The following C16orf46 variants were observed in gnomAD, a reference collection of about 807,000 sequenced individuals.
C16orf46 encodes uncharacterized protein C16orf46.
In C16orf46, 7 loss-of-function variants were observed where a neutral mutation model predicts 5.5. The ratio of observed to expected loss-of-function variants is 1.28; its 90% CI spans 0.73 to 2.40. C16orf46 has a LOEUF of 2.40. Among genes scored for constraint, C16orf46 ranks in the 30% most tolerant of loss-of-function variants. The pLI is 0.00. For missense variants in C16orf46, 614 were observed against 476.0 expected (o/e 1.29, Z -2.70); for synonymous variants, 200 against 184.1 (o/e 1.09, Z -0.70).
downstream of C16orf46, among the ~76,000 whole-genome samples, chr16:81,057,682 G>GTTGTTA (rs1971340660): frequency 6.6e-6 from 1 of 151,564 alleles, no homozygotes; most frequent in Admixed American, 6.6e-5. Flanking sequence ...TTAGGTTGTT[G>GTTGTTA]TTGTTGTTGT....
chr16:81,059,104 G>C (rs1418778167), downstream of C16orf46, among the ~76,000 whole-genome samples: 1 of 151,764 alleles, frequency 6.6e-6, no homozygotes, highest in Non-Finnish European at 1.5e-5. Flanking sequence ...GCCCAGGCTG[G>C]AGTGCAATGG....
At chr16:81,067,857 T>C (rs1266582935) in intron 1 of C16orf46, among the ~76,000 whole-genome samples, 2 of 152,196 alleles carry the variant, frequency 1.3e-5, no homozygotes, top group Non-Finnish European at 2.9e-5. Context: ...GTTTGTGTAA[T>C]TTTAAGTTGC....
At chr16:81,055,613 A>C (rs1318866221) in intron 3 of C16orf46, among the ~76,000 whole-genome samples, 1 of 152,148 alleles carries the variant, frequency 6.6e-6, no homozygotes, top group Non-Finnish European at 1.5e-5. Context: ...AGGATCGCTT[A>C]AACCCTGCAG....
downstream of C16orf46, among the ~76,000 whole-genome samples, chr16:81,059,940 C>T (rs888735002): frequency 6.6e-6 from 1 of 151,918 alleles, no homozygotes; most frequent in Non-Finnish European, 1.5e-5. Context: ...AGAAGCCCGC[C>T]ACCACGCCCG....
chr16:81,058,456 G>T (rs1475105630), downstream of C16orf46, among the ~76,000 whole-genome samples: 1 of 152,140 alleles, frequency 6.6e-6, no homozygotes, highest in Non-Finnish European at 1.5e-5. Flanking sequence ...GTTTAGACTG[G>T]TACAGTGGAA....
At chr16:81,063,245 G>A (rs1462042690) in intron 3 of C16orf46, among the ~76,000 whole-genome samples, 1 of 127,354 alleles carries the variant, frequency 7.9e-6, no homozygotes, top group African/African-American at 2.9e-5. Context: ...TCCATCTCAG[G>A]GAAAAAAAAA....
intron 1 of C16orf46, among the ~76,000 whole-genome samples, chr16:81,074,637 C>A (rs1434955878): frequency 6.6e-6 from 1 of 152,116 alleles, no homozygotes; most frequent in Non-Finnish European, 1.5e-5. Flanking sequence ...CCCGCCTCAG[C>A]CTCCCAAAGT....
chr16:81,064,429 A>C (rs1971588167), intron 2 of C16orf46, among the ~76,000 whole-genome samples: 1 of 152,010 alleles, frequency 6.6e-6, no homozygotes, highest in Admixed American at 6.6e-5. Flanking sequence ...TTACGCAACT[A>C]TCCACTGCCA....
In C16orf46 at chr16:81,063,840, T is replaced by C. The variant is rs760309096; in HGVS notation, c.116A>G (p.Asn39Ser). The change falls in exon 3 of 4, where the codon AAT becomes AGT. Residue 39 changes from asparagine to serine, a missense_variant. Physicochemically the swap from Asn to Ser is conservative, Grantham distance 46. Transcript: ENST00000299578. ...YTCPDGKSEK[N>S]HVYCLLDVSD... ...GACATCGAGAAGACAATAAACATGA[T>C]TTTTTTCACTTTTTCCATCTGGACA... is the stretch of plus-strand genomic sequence containing the variant. The C allele has an allele frequency of 7.4e-6, 12 of 1,613,804 alleles. No individual in the cohort carries two copies. In the African/African-American group the frequency reaches 1.6e-4, roughly 22 times the overall value.
In C16orf46 at chr16:81,061,725, G is replaced by A; in HGVS notation, c.624C>T (p.Leu208=). ...SIPGPLTSRA[L]LVLPPLKASL... ...AAGCCTTCAGGGGAGGCAGAACTAGGAGGGCCCTGGAAGTCAGGGGGCCTG... is the reference window on the plus strand; with the variant it reads ...AAGCCTTCAGGGGAGGCAGAACTAGAAGGGCCCTGGAAGTCAGGGGGCCTG... The change falls in exon 4 of 4, where the codon CTC becomes CTT. Residue 208 remains leucine (L), a synonymous_variant. Coordinates refer to ENST00000299578, the MANE Select transcript of C16orf46 (RefSeq NM_152337.3). 3 of 1,614,020 alleles carry A rather than the reference G, an allele frequency of 1.9e-6. No homozygotes were observed. The highest frequency in any genetic ancestry group is 2.5e-6 in the Non-Finnish European group (3 of 1,180,050).
rs1005299115 is a variant in C16orf46, at chr16:81,066,231, C to A, written c.-77G>T. Reference sequence around the variant, plus strand: ...GCACCTTCGGAACACTGGTGTACTTCAGGCAGGATCAACACGCTCCGCTAC... The same window carrying A: ...GCACCTTCGGAACACTGGTGTACTTAAGGCAGGATCAACACGCTCCGCTAC... On this transcript the variant is annotated 5_prime_UTR_variant, in exon 2 of 4. Coordinates refer to ENST00000299578, the MANE Select transcript of C16orf46 (RefSeq NM_152337.3). 6.6e-6 allele frequency: 1 copy of A among 151,906 alleles called. No individual in the cohort carries two copies. Among genetic ancestry groups the A allele is most frequent in the African/African-American group, 2.4e-5 (1 of 41,346 alleles). 9.4% of individuals were successfully genotyped at this position (151,906 alleles called of 1,614,324 possible).
chr16:81,062,480 G>C (rs1054437423), intron 3 of C16orf46, among the ~76,000 whole-genome samples: 10 of 152,212 alleles, frequency 6.6e-5, no homozygotes, highest in African/African-American at 2.4e-4. Context: ...CCACTTTGAT[G>C]TGCTGACTAT....
chr16:81,074,850 C>G (rs1971974631), intron 1 of C16orf46, among the ~76,000 whole-genome samples: 1 of 151,958 alleles, frequency 6.6e-6, no homozygotes, highest in African/African-American at 2.4e-5. Flanking sequence ...GATGTAGACT[C>G]CAAATGCATC....
Position 81,063,808 on chromosome 16 carries a change from TG to T in C16orf46, c.147del (p.Asp49GlufsTer46). 5 of 1,614,156 alleles carry T rather than the reference TG, an allele frequency of 3.1e-6. No individual in the cohort carries two copies. The highest frequency in any genetic ancestry group is 4.2e-6 in the Non-Finnish European group (5 of 1,180,022). ...GCTTTTTCATCTTGTTCAAGCGTAA[TG>T]TCACTGACATCGAGAAGACAATAAA... ...NHVYCLLDVSDITLEQDEKAK... is the reference protein window; with the variant it reads ...NHVYCLLDVSXITLEQDEKAK... On this transcript the variant is annotated frameshift_variant, in exon 3 of 4. Transcript: ENST00000299578. LOFTEE classifies it high-confidence loss of function.
In C16orf46 at chr16:81,077,175, T is replaced by A. The variant is rs1249615694; in HGVS notation, c.-167A>T. On this transcript the variant is annotated 5_prime_UTR_variant, in exon 1 of 4. Coordinates refer to ENST00000299578, the MANE Select transcript of C16orf46 (RefSeq NM_152337.3). ...GGATGGAAGGCCCCGAGACAGCTAG[T>A]CCCGGCCTACTGGCAAGAGCTACTC... 6.6e-6 allele frequency: 1 copy of A among 152,336 alleles called. No homozygotes were observed. Among genetic ancestry groups the A allele is most frequent in the Non-Finnish European group, 1.5e-5 (1 of 68,134 alleles). The allele number at this position is 152,336 out of a possible 1,614,324, so 9.4% of individuals were successfully genotyped here.
chr16:81,071,452 G>A (rs894837719), intron 1 of C16orf46, among the ~76,000 whole-genome samples: 3 of 152,216 alleles, frequency 2.0e-5, no homozygotes, highest in Non-Finnish European at 2.9e-5. Flanking sequence ...GCTGGGAAAA[G>A]AAAAGTCAGT....
At chr16:81,076,926 C>T (rs1053335831) in intron 1 of C16orf46, 2 of 152,302 alleles carry the variant, frequency 1.3e-5, no homozygotes, top group African/African-American at 4.8e-5. Context: ...TCCGTCTACC[C>T]ACCCTTAAAG....
At chr16:81,058,919 C>A (rs796505297), downstream of C16orf46, among the ~76,000 whole-genome samples, 1 of 152,174 alleles carries the variant, frequency 6.6e-6, no homozygotes, top group African/African-American at 2.4e-5. Context: ...AGGCTACAAA[C>A]CTTAATGCTG....
downstream of C16orf46, among the ~76,000 whole-genome samples, chr16:81,058,781 A>G (rs1309980870): frequency 6.6e-6 from 1 of 152,170 alleles, no homozygotes; most frequent in Non-Finnish European, 1.5e-5. Flanking sequence ...CCTGTATCTG[A>G]AAATTGTTCC....
Sources: allele counts gnomAD v4.1 joint callset (sites outside exome capture counted in the v4.1 genomes callset), GRCh38; gene constraint gnomAD v4.1.1; transcripts MANE v1.5; gene names NCBI Gene and HGNC (gene_info 2026-07-23, HGNC 2026-07-21).